Variants in SUGCT observed in about 807,000 individuals in gnomAD.
SUGCT encodes succinyl-CoA:glutarate-CoA transferase.
In SUGCT, 41 loss-of-function variants were observed where a neutral mutation model predicts 55.0. The observed-to-expected ratio is 0.74, with a 90% CI of 0.58 to 0.97. The LOEUF (loss-of-function observed/expected upper bound fraction) is 0.97. Among genes scored for constraint, SUGCT ranks in the 50% least tolerant of loss-of-function variants. The pLI, the probability that SUGCT is intolerant of heterozygous loss-of-function variation, is 0.00. For synonymous variants in SUGCT, 187 were observed against 200.4 expected (o/e 0.93, Z 0.56); for missense variants, 568 against 547.8 (o/e 1.04, Z -0.37).
intron 12 of SUGCT, among the ~76,000 whole-genome samples, chr7:40,615,980 T>A (rs1420763949): frequency 1.3e-5 from 2 of 152,206 alleles, no homozygotes; most frequent in African/African-American, 2.4e-5. Context: ...AATGCATTTA[T>A]CTCTTGGAAA....
chr7:40,703,238 A>G (rs1785245838), intron 12 of SUGCT, among the ~76,000 whole-genome samples: 1 of 151,774 alleles, frequency 6.6e-6, no homozygotes, highest in Non-Finnish European at 1.5e-5. Flanking sequence ...CTAATTTTGT[A>G]TTTTTAGTAA....
chr7:40,195,291 G>A (rs1307979888), intron 6 of SUGCT, among the ~76,000 whole-genome samples: 1 of 148,312 alleles, frequency 6.7e-6, no homozygotes, highest in Non-Finnish European at 1.5e-5. Context: ...GCGCGATCTC[G>A]GCTTACTGCA....
chr7:40,606,507 G>A (rs773097216), intron 12 of SUGCT, among the ~76,000 whole-genome samples: 36 of 152,168 alleles, frequency 2.4e-4, no homozygotes, highest in Non-Finnish European at 4.7e-4. Context: ...GGGGAATAGA[G>A]GCAAATGGAG....
chr7:40,181,072 A>G, intron 2 of SUGCT, 74 bp downstream of exon 2: 1 of 1,084,710 alleles, frequency 9.2e-7, no homozygotes, highest in Non-Finnish European at 1.4e-6. Context: ...TTTTTGAATT[A>G]TAAGAAGAGA....
chr7:40,470,008 T>G (rs1252648644), intron 11 of SUGCT, among the ~76,000 whole-genome samples: 5 of 152,150 alleles, frequency 3.3e-5, no homozygotes, highest in Non-Finnish European at 1.5e-5. Flanking sequence ...ATGTGAGAAC[T>G]TAGAATTAAT....
rs754071257 is a variant in SUGCT at position 40,496,237 on chromosome 7, T to TTACA, written c.987-45_987-42dup. ...GGGCCACATGATAGAAGAGGCTGTG[T>TTACA]TACATTCCTTCCTGTGTAAAAAATT... is the stretch of plus-strand genomic sequence containing the variant. On this transcript the variant is annotated intron_variant, in intron 11 of 13. Transcript: ENST00000335693. 61 of 1,254,170 alleles carry TTACA rather than the reference T, an allele frequency of 4.9e-5. No individual in the cohort carries two copies. The African/African-American group carries it at 9.0e-4, about 18-fold the overall frequency. The allele number at this position is 1,254,170 out of a possible 1,614,324, so 77.7% of individuals were successfully genotyped here.
chr7:40,277,640 C>T (rs1792606873), intron 8 of SUGCT, among the ~76,000 whole-genome samples: 1 of 151,360 alleles, frequency 6.6e-6, no homozygotes, highest in Non-Finnish European at 1.5e-5. Context: ...GGTTAGAGAA[C>T]TTCAAAAGGC....
intron 12 of SUGCT, among the ~76,000 whole-genome samples, chr7:40,549,660 T>C (rs1464841797): frequency 6.6e-6 from 1 of 152,158 alleles, no homozygotes; most frequent in Non-Finnish European, 1.5e-5. Context: ...GAAAAAGACA[T>C]TTGAGGAGGG....
chr7:40,968,137 C>T, the SUGCT span: 1 of 152,152 alleles, frequency 6.6e-6, no homozygotes, highest in African/African-American at 2.4e-5. Context: ...GGGATCAATT[C>T]CTCTTCTTGT....
intron 12 of SUGCT, among the ~76,000 whole-genome samples, chr7:40,530,194 A>G (rs1368220492): frequency 1.3e-5 from 2 of 152,102 alleles, no homozygotes; most frequent in East Asian, 1.9e-4. Context: ...TCCTTGTTTT[A>G]TTACTATTTT....
chr7:40,156,063 G>T (rs1783878512), intron 1 of SUGCT, among the ~76,000 whole-genome samples: 1 of 151,914 alleles, frequency 6.6e-6, no homozygotes, highest in South Asian at 2.1e-4. Context: ...CACCATGTTG[G>T]CCAGGCTGGT....
At chr7:40,149,209 A>T (rs1422105628) in intron 1 of SUGCT, among the ~76,000 whole-genome samples, 2 of 152,134 alleles carry the variant, frequency 1.3e-5, no homozygotes, top group Non-Finnish European at 2.9e-5. Flanking sequence ...ATACAACCTT[A>T]AATACTGGAT....
the SUGCT span, among the ~76,000 whole-genome samples, chr7:40,894,083 A>G: frequency 6.6e-6 from 1 of 151,948 alleles, no homozygotes; most frequent in East Asian, 1.9e-4. Flanking sequence ...CTATACTACA[A>G]GGTTAAGTTT....
chr7:40,771,436 C>G (rs1277020625), intron 13 of SUGCT, among the ~76,000 whole-genome samples: 1 of 151,794 alleles, frequency 6.6e-6, no homozygotes, highest in East Asian at 1.9e-4. Flanking sequence ...CATTTTTTTT[C>G]TAATGTGCCC....
At chr7:40,957,004 C>T in the SUGCT span, among the ~76,000 whole-genome samples, 5 of 152,028 alleles carry the variant, frequency 3.3e-5, no homozygotes, top group Admixed American at 6.6e-5. Context: ...GATTTCTGTT[C>T]TTTTGCATTT....
At chr7:40,513,706 T>C (rs2151557428) in intron 12 of SUGCT, among the ~76,000 whole-genome samples, 1 of 152,154 alleles carries the variant, frequency 6.6e-6, no homozygotes, top group Middle Eastern at 3.4e-3. Context: ...ATTTATGAGC[T>C]ATAATTAGGA....
chr7:40,324,248 A>ATATATATATATATAT lies in SUGCT; in HGVS notation c.816+7393_816+7394insTATATATATATATAT, dbSNP rs1562681083. Among the ~76,000 whole-genome samples the ATATATATATATATAT allele has an allele frequency of 2.6e-3, 287 of 110,954 alleles. 3 individuals carry two copies. Among genetic ancestry groups the ATATATATATATATAT allele is most frequent in the African/African-American group, 0.011 (274 of 25,862 alleles). 72.8% of individuals were successfully genotyped at this position (110,954 alleles called of 152,430 possible). A position where few individuals can be genotyped will look rare whatever the true frequency, so the allele number is the denominator to read the frequency against. On this transcript the variant is annotated intron_variant, in intron 9 of 13. Transcript: ENST00000335693. Reference sequence around the variant, plus strand: ...GATCATATATATAAATAAATAAATAAATAAATATATATATATTTATTTTTT... The same window carrying ATATATATATATATAT: ...GATCATATATATAAATAAATAAATAATATATATATATATATATAAATATATATATATTTATTTTTT...
At chr7:40,184,947 T>C (rs1785416695) in intron 3 of SUGCT, among the ~76,000 whole-genome samples, 1 of 152,322 alleles carries the variant, frequency 6.6e-6, no homozygotes, top group Non-Finnish European at 1.5e-5. Context: ...TCTTGTTAAG[T>C]AGATATTCTT....
At chr7:40,543,381 T>G (rs2151624135) in intron 12 of SUGCT, among the ~76,000 whole-genome samples, 1 of 152,338 alleles carries the variant, frequency 6.6e-6, no homozygotes, top group South Asian at 2.1e-4. Flanking sequence ...AAATGAAATG[T>G]GCAAACCTGA....
Sources: gnomAD v4.1 joint callset for allele counts (sites outside exome capture counted in the v4.1 genomes callset) on GRCh38, gnomAD v4.1.1 for gene constraint, MANE v1.5 for transcripts, NCBI Gene and HGNC (gene_info 2026-07-23, HGNC 2026-07-21) for gene names.